The following SBF2 variants were observed in gnomAD, a reference collection of about 807,000 sequenced individuals.
SBF2 encodes the protein myotubularin-related protein 13.
In SBF2, 112 loss-of-function variants were observed where a neutral mutation model predicts 225.2. The observed-to-expected ratio is 0.50, with a 90% confidence interval of 0.43 to 0.58. The LOEUF (loss-of-function observed/expected upper bound fraction) is 0.58. Among genes scored for constraint, SBF2 ranks in the 20% least tolerant of loss-of-function variants. The pLI is 0.00. For missense variants in SBF2, 1,996 were observed against 2,206.2 expected (o/e 0.90, Z 1.91); for synonymous variants, 763 against 773.3 (o/e 0.99, Z 0.22).
At chr11:10,037,519 T>C (rs1404185863) in intron 3 of SBF2, among the ~76,000 whole-genome samples, 1 of 152,062 alleles carries the variant, frequency 6.6e-6, no homozygotes, top group Non-Finnish European at 1.5e-5. Flanking sequence ...AACTAAGGTT[T>C]TTCCAATGAG....
At chr11:9,942,074 C>T (rs1865283886) in intron 16 of SBF2, among the ~76,000 whole-genome samples, 1 of 152,096 alleles carries the variant, frequency 6.6e-6, no homozygotes, top group Non-Finnish European at 1.5e-5. Context: ...GGAGAAAAAT[C>T]ATACATGTAT....
intron 3 of SBF2, among the ~76,000 whole-genome samples, chr11:10,031,477 A>C (rs1949256774): frequency 6.6e-6 from 1 of 152,204 alleles, no homozygotes; most frequent in Non-Finnish European, 1.5e-5. Context: ...TGCTCAAATT[A>C]TTTTAAATAG....
intron 17 of SBF2, among the ~76,000 whole-genome samples, chr11:9,881,540 C>T (rs989401422): frequency 3.9e-5 from 6 of 152,028 alleles, no homozygotes; most frequent in Admixed American, 2.0e-4. Context: ...ACTTTTCCCC[C>T]GCCTTAATCC....
intron 2 of SBF2, among the ~76,000 whole-genome samples, chr11:10,116,219 TTGAGG>T (rs1432465188): frequency 6.6e-6 from 1 of 152,162 alleles, no homozygotes; most frequent in Non-Finnish European, 1.5e-5. Context: ...ATTACTTTGG[TTGAGG>T]TATTTGCATT....
intron 3 of SBF2, among the ~76,000 whole-genome samples, chr11:10,033,241 G>C (rs1252321666): frequency 6.6e-6 from 1 of 152,170 alleles, no homozygotes; most frequent in Non-Finnish European, 1.5e-5. Flanking sequence ...TCTTGGAAGA[G>C]ATAAAGCTAT....
intron 32 of SBF2, among the ~76,000 whole-genome samples, chr11:9,804,010 T>C (rs1421708986): frequency 6.6e-6 from 1 of 151,854 alleles, no homozygotes; most frequent in Non-Finnish European, 1.5e-5. Flanking sequence ...AGGGGTGAAA[T>C]GGAGGCTATC....
intron 2 of SBF2, among the ~76,000 whole-genome samples, chr11:10,135,998 C>T (rs1485432372): frequency 6.6e-6 from 1 of 152,078 alleles, no homozygotes; most frequent in Non-Finnish European, 1.5e-5. Flanking sequence ...GGGCGATTTA[C>T]AAAAGAAAGG....
chr11:10,253,547 A>C (rs1960576129), intron 1 of SBF2, among the ~76,000 whole-genome samples: 1 of 152,184 alleles, frequency 6.6e-6, no homozygotes, highest in Admixed American at 6.5e-5. Context: ...AGAATCTCTA[A>C]ATCACAGACT....
Position 9,808,995 on chromosome 11 carries a change from C to G in SBF2, c.4163G>C (p.Arg1388Thr). 2 of 1,613,420 alleles carry G rather than the reference C, an allele frequency of 1.2e-6. No homozygotes were observed. The highest frequency in any genetic ancestry group is 1.7e-6 in the Non-Finnish European group (2 of 1,179,436). ...TACAACCACAGCCAGCTGCATTATC[C>G]TGTGAAGCTAAGAGACAGGAAGGAG... ...GDSEWFPQLH[R>T]IMQLAVVVSE... The change falls in exon 31 of 40, where the codon AGG (arginine) becomes ACG (threonine). Residue 1388 changes from arginine to threonine, a missense_variant. Transcript: ENST00000256190.
At chr11:10,285,395 A>G (rs1284819175) in intron 1 of SBF2, among the ~76,000 whole-genome samples, 2 of 138,592 alleles carry the variant, frequency 1.4e-5, no homozygotes, top group African/African-American at 6.1e-5. Flanking sequence ...CTAGAATTAG[A>G]AAAAAAAAAA....
intron 6 of SBF2, among the ~76,000 whole-genome samples, chr11:10,008,983 T>C (rs534200412): frequency 3.0e-4 from 46 of 152,238 alleles, no homozygotes; most frequent in Non-Finnish European, 5.0e-4. Context: ...TCCTCCTTTG[T>C]GCTGCCTATC....
intron 13 of SBF2, among the ~76,000 whole-genome samples, chr11:9,968,798 T>A (rs1867134618): frequency 6.6e-6 from 1 of 152,220 alleles, no homozygotes. Context: ...TCTTGCTACA[T>A]CTTTGTCTAT....
At position 9,790,665 on chromosome 11, in the gene SBF2, T is replaced by G; in HGVS notation, c.4589A>C (p.Lys1530Thr). 1 of 1,582,602 alleles carries G rather than the reference T, an allele frequency of 6.3e-7. No homozygotes were observed. Among genetic ancestry groups the G allele is most frequent in the African/African-American group, 1.3e-5 (1 of 74,322 alleles). The change falls in exon 34 of 40, where the codon AAA (lysine) becomes ACA (threonine). Residue 1530 changes from lysine (K) to threonine (T), a missense_variant. Physicochemically the swap from Lys to Thr is moderately conservative, Grantham distance 78. Coordinates refer to ENST00000256190, the MANE Select transcript of SBF2 (RefSeq NM_030962.4). ...TCCTTTTTTGGCATGCTTTTCTCCT[T>G]TATCATCAAATAAAGTTCCTGTAGA... is the stretch of plus-strand genomic sequence containing the variant. ...RLEHGTLFDD[K>T]GEKHAKKGVC...
intron 16 of SBF2, among the ~76,000 whole-genome samples, chr11:9,908,896 C>G (rs1470288631): frequency 6.7e-6 from 1 of 149,304 alleles, no homozygotes. Context: ...CCACGTTGCT[C>G]AGGCTGGTCT....
Position 10,209,853 on chromosome 11 carries a change from G to C in SBF2, c.56-15866C>G, listed in dbSNP as rs1057454967. ...CCTTTCATATAAAAGATGTCTCGAA[G>C]ACAACACTCAGGATCAATGTCAGAT... On this transcript the variant is annotated intron_variant, in intron 1 of 39. Transcript: ENST00000256190. Among the ~76,000 whole-genome samples, 3 of 152,062 alleles carry C rather than the reference G, an allele frequency of 2.0e-5. No homozygotes were observed. The East Asian group carries it at 5.8e-4, about 29-fold the overall frequency.
chr11:10,228,767 T>A (rs1047449413), intron 1 of SBF2, among the ~76,000 whole-genome samples: 1 of 152,190 alleles, frequency 6.6e-6, no homozygotes, highest in African/African-American at 2.4e-5. Flanking sequence ...TCAAGGATAT[T>A]GGTCTAAAAT....
intron 1 of SBF2, among the ~76,000 whole-genome samples, chr11:10,216,670 G>C (rs1457953354): frequency 6.6e-6 from 1 of 152,202 alleles, no homozygotes; most frequent in African/African-American, 2.4e-5. Flanking sequence ...AAGAGTTCGA[G>C]ACCAGCCTGG....
At chr11:10,066,240 A>C (rs1191936285) in intron 2 of SBF2, among the ~76,000 whole-genome samples, 1 of 151,916 alleles carries the variant, frequency 6.6e-6, no homozygotes, top group Non-Finnish European at 1.5e-5. Context: ...CGACATTACC[A>C]ATACCAAAAC....
intron 6 of SBF2, among the ~76,000 whole-genome samples, chr11:10,017,739 T>C (rs1353406792): frequency 6.6e-6 from 1 of 152,162 alleles, no homozygotes; most frequent in Non-Finnish European, 1.5e-5. Context: ...ATGAATTAAA[T>C]ATATTTTACA....
Sources: allele counts gnomAD v4.1 joint callset (sites outside exome capture counted in the v4.1 genomes callset), GRCh38; gene constraint gnomAD v4.1.1; transcripts MANE v1.5; gene names NCBI Gene and HGNC (gene_info 2026-07-23, HGNC 2026-07-21).